Variants in SGK3 observed in about 807,000 individuals in gnomAD.
SGK3 encodes the protein serine/threonine-protein kinase Sgk3.
A neutral mutation model predicts 68.5 loss-of-function variants in SGK3; 47 were observed. The ratio of observed to expected loss-of-function variants is 0.69; its 90% CI spans 0.54 to 0.87. The LOEUF (loss-of-function observed/expected upper bound fraction) is 0.87, where lower values mean the gene tolerates loss of function less well. Among genes scored for constraint, SGK3 ranks in the 40% least tolerant of loss-of-function variants. SGK3 has a pLI of 0.00. For synonymous variants in SGK3, 181 were observed against 189.1 expected, an observed-to-expected ratio of 0.96 and a Z score of 0.35; for missense variants, 479 against 575.5, an observed-to-expected ratio of 0.83 and a Z score of 1.72.
intron 13 of SGK3, among the ~76,000 whole-genome samples, chr8:66,842,898 C>A (rs926602756): frequency 6.6e-6 from 1 of 152,040 alleles, no homozygotes; most frequent in Non-Finnish European, 1.5e-5. Context: ...GCTAAACCCC[C>A]GTCTCTATGA....
chr8:66,717,017 G>A (rs529479626), intron 1 of SGK3, among the ~76,000 whole-genome samples: 13 of 151,416 alleles, frequency 8.6e-5, no homozygotes, highest in African/African-American at 2.7e-4. Flanking sequence ...CCAACACGGC[G>A]AAACCCTGTC....
chr8:66,857,788 AGTGTGTGTGTATGTGTGTGTGTGT>A (rs1810576012), intron 16 of SGK3, among the ~76,000 whole-genome samples: 3 of 115,402 alleles, frequency 2.6e-5, no homozygotes, highest in Admixed American at 8.9e-5. Flanking sequence ...GTCTCAAAAA[AGTGTGTGTGTATGTGTGTGTGTGT>A]GTGTGTGTGT....
chr8:66,715,347 T>G (rs879507646), intron 1 of SGK3, among the ~76,000 whole-genome samples: 1 of 152,030 alleles, frequency 6.6e-6, no homozygotes, highest in Non-Finnish European at 1.5e-5. Context: ...AACCTCCGCC[T>G]CCCGGGTTCA....
Position 66,769,320 on chromosome 8 carries a change from T to C in SGK3, c.-121-24296T>C, listed in dbSNP as rs549549902. Among the ~76,000 whole-genome samples, 3 of 152,210 alleles carry C rather than the reference T, an allele frequency of 2.0e-5. No homozygotes were observed. In the South Asian group the frequency reaches 6.2e-4, roughly 32 times the overall value. On this transcript the variant is annotated intron_variant, in intron 1 of 16. Transcript: ENST00000521198. ...CTCACTGAAACCTCTACCTCCTGGG[T>C]TCAGGTGATTCTCATGCCTCAGACT...
intron 16 of SGK3, among the ~76,000 whole-genome samples, chr8:66,855,289 G>A (rs1178549040): frequency 2.6e-5 from 4 of 152,082 alleles, no homozygotes; most frequent in Non-Finnish European, 5.9e-5. Flanking sequence ...TGAAACCTCC[G>A]CCTCCCGGGT....
chr8:66,817,113 C>T (rs983730092), intron 5 of SGK3, among the ~76,000 whole-genome samples: 1 of 152,010 alleles, frequency 6.6e-6, no homozygotes, highest in African/African-American at 2.4e-5. Context: ...AGCCACCGTG[C>T]CCAGCAGGAA....
chr8:66,848,271 T>G (rs1222722963), intron 15 of SGK3, among the ~76,000 whole-genome samples: 1 of 152,184 alleles, frequency 6.6e-6, no homozygotes, highest in Non-Finnish European at 1.5e-5. Context: ...TATCATCTCA[T>G]GGGCTGCTGA....
intron 1 of SGK3, among the ~76,000 whole-genome samples, chr8:66,752,427 A>G (rs1805845237): frequency 6.6e-6 from 1 of 152,192 alleles, no homozygotes; most frequent in Non-Finnish European, 1.5e-5. Flanking sequence ...ATAAACATGC[A>G]AAAAGAGAAT....
chr8:66,840,529 G>A (rs1034085131), intron 12 of SGK3, among the ~76,000 whole-genome samples: 2 of 152,192 alleles, frequency 1.3e-5, no homozygotes, highest in African/African-American at 4.8e-5. Context: ...CACAAAGCAT[G>A]CATGTAAAAA....
intron 2 of SGK3, among the ~76,000 whole-genome samples, chr8:66,794,837 G>A (rs538448544): frequency 2.0e-5 from 3 of 152,286 alleles, no homozygotes; most frequent in East Asian, 1.9e-4. Flanking sequence ...AAAGTGGCTG[G>A]TCTGGCAAAT....
At chr8:66,849,173 C>G (rs1306343319) in intron 15 of SGK3, among the ~76,000 whole-genome samples, 3 of 152,186 alleles carry the variant, frequency 2.0e-5, no homozygotes, top group Non-Finnish European at 2.9e-5. Context: ...ATGTTTTCAT[C>G]TCACACATTT....
At chr8:66,826,792 C>G (rs1809076472) in intron 6 of SGK3, among the ~76,000 whole-genome samples, 1 of 151,782 alleles carries the variant, frequency 6.6e-6, no homozygotes, top group South Asian at 2.1e-4. Context: ...TTACAGGTGC[C>G]CATCACCACA....
At chr8:66,837,629 C>T (rs916267247) in intron 10 of SGK3, among the ~76,000 whole-genome samples, 3 of 151,982 alleles carry the variant, frequency 2.0e-5, no homozygotes, top group Non-Finnish European at 4.4e-5. Flanking sequence ...AAAAAAATAA[C>T]AAAAATTAGC....
chr8:66,807,262 A>G (rs1230313917), intron 4 of SGK3, among the ~76,000 whole-genome samples: 1 of 152,208 alleles, frequency 6.6e-6, no homozygotes, highest in African/African-American at 2.4e-5. Flanking sequence ...AGTGGCAGAA[A>G]AATATTAAGA....
chr8:66,753,178 A>G (rs908745333), intron 1 of SGK3, among the ~76,000 whole-genome samples: 1 of 152,224 alleles, frequency 6.6e-6, no homozygotes, highest in African/African-American at 2.4e-5. Flanking sequence ...GATAGGTACC[A>G]TTATTATTTC....
chr8:66,841,987 G>A (rs959841566), intron 13 of SGK3, among the ~76,000 whole-genome samples: 1 of 152,102 alleles, frequency 6.6e-6, no homozygotes, highest in Non-Finnish European at 1.5e-5. Context: ...CAAATACAAT[G>A]TTGAAAACGT....
At position 66,859,811 on chromosome 8, in the gene SGK3, T is replaced by C. The variant is rs529113002; in HGVS notation, c.*230T>C. 3.0e-3 allele frequency: 1,291 copies of C among 437,118 alleles called. 2 individuals are homozygous for C. The highest frequency in any genetic ancestry group is 3.6e-3 in the Non-Finnish European group (958 of 266,774). 27.1% of individuals were successfully genotyped at this position (437,118 alleles called of 1,614,324 possible). On this transcript the variant is annotated 3_prime_UTR_variant, in exon 17 of 17. Transcript: ENST00000521198. ...GTTTAATAAGCTTATTTTTAAACAATTTAAAAGCTATTATTCTTAGCATTA... is the reference window on the plus strand; with the variant it reads ...GTTTAATAAGCTTATTTTTAAACAACTTAAAAGCTATTATTCTTAGCATTA...
intron 1 of SGK3, among the ~76,000 whole-genome samples, chr8:66,760,156 G>A (rs1806111337): frequency 6.6e-6 from 1 of 152,054 alleles, no homozygotes; most frequent in South Asian, 2.1e-4. Flanking sequence ...GTATCACTAA[G>A]TGAGTGCCTC....
chr8:66,836,420 A>G (rs989609392), intron 10 of SGK3, among the ~76,000 whole-genome samples: 4 of 152,178 alleles, frequency 2.6e-5, no homozygotes, highest in Non-Finnish European at 5.9e-5. Context: ...ATATTACTCC[A>G]GCTTCTCAGT....
Sources: allele counts gnomAD v4.1 joint callset (sites outside exome capture counted in the v4.1 genomes callset), GRCh38; gene constraint gnomAD v4.1.1; transcripts MANE v1.5; gene names NCBI Gene and HGNC (gene_info 2026-07-23, HGNC 2026-07-21).